PDE5A: variants seen among roughly 807,000 people sequenced by gnomAD.
PDE5A encodes the protein cGMP-specific 3',5'-cyclic phosphodiesterase.
In PDE5A, 67 loss-of-function variants were observed where a neutral mutation model predicts 110.2. The ratio of observed to expected loss-of-function variants is 0.61; its 90% CI spans 0.50 to 0.75. The LOEUF (loss-of-function observed/expected upper bound fraction) is 0.75. Among genes scored for constraint, PDE5A ranks in the 30% least tolerant of loss-of-function variants. The pLI, the probability that PDE5A is intolerant of heterozygous loss-of-function variation, is 0.00. For missense variants in PDE5A, 862 were observed against 1,045.1 expected (o/e 0.82, Z 2.42); for synonymous variants, 328 against 351.2 (o/e 0.93, Z 0.74).
rs1366761866 is a variant in PDE5A at position 119,532,027 on chromosome 4, CA to C, written c.1633-6333del. Among the ~76,000 whole-genome samples, 3 of 152,226 alleles carry C rather than the reference CA, an allele frequency of 2.0e-5. No homozygotes were observed. The East Asian group carries it at 5.8e-4, about 29-fold the overall frequency. ...TTGTAGGCTGTTTTATATATTTAAT[CA>C]ACTCTCAAATTATTTCTAGTTTCTT... On this transcript the variant is annotated intron_variant, in intron 11 of 20. Transcript: ENST00000354960.
intron 1 of PDE5A, among the ~76,000 whole-genome samples, chr4:119,624,839 T>C (rs772834055): frequency 6.6e-6 from 1 of 152,228 alleles, no homozygotes; most frequent in Non-Finnish European, 1.5e-5. Flanking sequence ...ACACAGTAGC[T>C]GAGGCCTTCA....
chr4:119,624,308 A>T (rs1387558213), intron 1 of PDE5A, among the ~76,000 whole-genome samples: 2 of 152,166 alleles, frequency 1.3e-5, no homozygotes, highest in South Asian at 2.1e-4. Context: ...ACAATAATTT[A>T]AAAAAATACA....
In PDE5A at chr4:119,511,122, T is replaced by C; in HGVS notation, c.2013A>G (p.Pro671=). Residue 671 remains proline (P), a synonymous_variant, in exon 15 of 21, where the codon CCA becomes CCG. Coordinates refer to ENST00000354960, the MANE Select transcript of PDE5A (RefSeq NM_001083.4). ...NNSYIQRSEH[P]LAQLYCHSIM... Reference sequence around the variant, plus strand: ...TTGAATGGCAGTAAAGCTGGGCAAGTGGATGTTCACTTCTGAAAGTATTTT... The same window carrying C: ...TTGAATGGCAGTAAAGCTGGGCAAGCGGATGTTCACTTCTGAAAGTATTTT... 2 of 1,607,108 alleles carry C rather than the reference T, an allele frequency of 1.2e-6. No homozygotes were observed. Among genetic ancestry groups the C allele is most frequent in the Non-Finnish European group, 1.7e-6 (2 of 1,174,434 alleles).
chr4:119,536,840 C>G (rs1219182444), intron 11 of PDE5A, among the ~76,000 whole-genome samples: 1 of 152,138 alleles, frequency 6.6e-6, no homozygotes, highest in Admixed American at 6.6e-5. Context: ...TCCTTACAAC[C>G]TAATGAGATC....
intron 3 of PDE5A, among the ~76,000 whole-genome samples, chr4:119,585,042 G>A (rs1285659472): frequency 1.3e-5 from 2 of 152,122 alleles, no homozygotes; most frequent in Admixed American, 6.5e-5. Context: ...TTGGGAGGCC[G>A]AGGTGGGCGG....
At chr4:119,576,155 C>T (rs36197915) in intron 3 of PDE5A, among the ~76,000 whole-genome samples, 145,220 of 149,522 alleles carry the variant, frequency 0.97, 70,656 homozygotes, top group South Asian at 1. Context: ...AATATATATG[C>T]ACCCAATACA....
At chr4:119,539,136 A>C in intron 10 of PDE5A, 117 bp from the exon 11 acceptor site, 1 of 773,494 alleles carries the variant, frequency 1.3e-6, no homozygotes, top group South Asian at 1.5e-5. Flanking sequence ...ACTCCTCAGA[A>C]TGCCAAATCT....
chr4:119,509,145 A>C (rs559130301), intron 15 of PDE5A, among the ~76,000 whole-genome samples: 1 of 152,092 alleles, frequency 6.6e-6, no homozygotes, highest in African/African-American at 2.4e-5. Context: ...TACACTAAAA[A>C]TAACATGGAT....
intron 8 of PDE5A, among the ~76,000 whole-genome samples, chr4:119,553,282 G>C (rs895743966): frequency 2.0e-5 from 3 of 152,012 alleles, no homozygotes; most frequent in Admixed American, 2.0e-4. Context: ...ATTACCAATT[G>C]CATCAGTTCA....
At chr4:119,546,489 A>G (rs946929135) in intron 9 of PDE5A, among the ~76,000 whole-genome samples, 2 of 152,088 alleles carry the variant, frequency 1.3e-5, no homozygotes, top group African/African-American at 4.8e-5. Flanking sequence ...CACCTATACC[A>G]TATTTTTAAT....
At chr4:119,612,600 T>C (rs1188202017) in intron 1 of PDE5A, among the ~76,000 whole-genome samples, 2 of 152,128 alleles carry the variant, frequency 1.3e-5, no homozygotes, top group Non-Finnish European at 2.9e-5. Context: ...CAGCCTTGGG[T>C]ATTTCTTTAA....
chr4:119,539,974 T>C (rs900281668), intron 10 of PDE5A, among the ~76,000 whole-genome samples: 1 of 151,878 alleles, frequency 6.6e-6, no homozygotes, highest in African/African-American at 2.4e-5. Context: ...GTTCCAAAAA[T>C]CTGAAAAAAA....
At chr4:119,574,704 C>A (rs1256402323) in intron 3 of PDE5A, among the ~76,000 whole-genome samples, 2 of 151,966 alleles carry the variant, frequency 1.3e-5, no homozygotes, top group South Asian at 4.1e-4. Context: ...GGTTATAAGT[C>A]TCGTAACAAG....
At chr4:119,606,510 C>T (rs1729535034) in intron 2 of PDE5A, among the ~76,000 whole-genome samples, 199 bp downstream of exon 2, 1 of 152,166 alleles carries the variant, frequency 6.6e-6, no homozygotes, top group African/African-American at 2.4e-5. Context: ...ACTGAACCAC[C>T]AGGAAAGAAA....
intron 4 of PDE5A, 46 bp from the exon 5 acceptor site, chr4:119,565,456 C>G (rs1249741759): frequency 6.4e-6 from 8 of 1,256,786 alleles, no homozygotes; most frequent in Non-Finnish European, 9.3e-6. Context: ...ATAAAACAGT[C>G]TAGTTACATT....
Position 119,628,766 on chromosome 4 carries a change from C to A in PDE5A, c.-95G>T. 1.3e-6 allele frequency: 2 copies of A among 1,521,178 alleles called. No homozygotes were observed. Among genetic ancestry groups the A allele is most frequent in the Non-Finnish European group, 1.8e-6 (2 of 1,126,798 alleles). 94.2% of individuals were successfully genotyped at this position (1,521,178 alleles called of 1,614,324 possible). On this transcript the variant is annotated 5_prime_UTR_variant, in exon 1 of 21. It adds an upstream start codon to the 5' untranslated region. Coordinates refer to ENST00000354960, the MANE Select transcript of PDE5A (RefSeq NM_001083.4). ...AAGAACAGGACTCGGCCTCGAGACC[C>A]TCCCCCTTCGTCCTGCTCCAGTCGG...
chr4:119,602,971 G>A (rs1729395140), intron 2 of PDE5A, among the ~76,000 whole-genome samples: 1 of 152,136 alleles, frequency 6.6e-6, no homozygotes, highest in African/African-American at 2.4e-5. Context: ...AATTGACTTG[G>A]GAGAAGGAGA....
intron 1 of PDE5A, among the ~76,000 whole-genome samples, chr4:119,616,070 A>C (rs1250125411): frequency 6.6e-6 from 1 of 152,126 alleles, no homozygotes; most frequent in Admixed American, 6.5e-5. Flanking sequence ...CTTACCCATA[A>C]ATGAGTTGTA....
In PDE5A at chr4:119,495,923, G is replaced by C. The variant is rs1161950429; in HGVS notation, c.*2678C>G. 1 of 152,074 alleles carries C rather than the reference G, an allele frequency of 6.6e-6. No individual in the cohort carries two copies. The highest frequency in any genetic ancestry group is 1.5e-5 in the Non-Finnish European group (1 of 68,008). 9.4% of individuals were successfully genotyped at this position (152,074 alleles called of 1,614,324 possible). On this transcript the variant is annotated 3_prime_UTR_variant, in exon 21 of 21. Coordinates refer to ENST00000354960, the MANE Select transcript of PDE5A (RefSeq NM_001083.4). ...CTGACAGTGGTCTCCATGGCCCATT[G>C]GGGCTTATAAAGTAGCTGCCTTCTG...
Sources: gnomAD v4.1 joint callset for allele counts (sites outside exome capture counted in the v4.1 genomes callset) on GRCh38, gnomAD v4.1.1 for gene constraint, MANE v1.5 for transcripts, NCBI Gene and HGNC (gene_info 2026-07-23, HGNC 2026-07-21) for gene names.